ZMPSTE24: variants seen among roughly 807,000 people sequenced by gnomAD.
The protein encoded by ZMPSTE24 is CAAX prenyl protease 1 homolog.
In ZMPSTE24, 48 loss-of-function variants were observed where a neutral mutation model predicts 56.7. That is an observed-to-expected ratio of 0.85 (90% CI 0.67 to 1.08). ZMPSTE24 has a LOEUF of 1.08. Ranked by LOEUF, ZMPSTE24 falls within the 50% of genes least tolerant of loss-of-function variation. ZMPSTE24 has a pLI of 0.00. For missense variants in ZMPSTE24, 503 were observed against 548.7 expected (o/e 0.92, Z 0.83); for synonymous variants, 172 against 195.2 (o/e 0.88, Z 0.99).
At chr1:40,290,679 G>T (rs952843679) in intron 8 of ZMPSTE24, 175 bp from the exon 9 acceptor site, 33 of 573,908 alleles carry the variant, frequency 5.8e-5, no homozygotes, top group African/African-American at 9.5e-5. Context: ...AGCCAGGATG[G>T]TCTCAATCTC....
At chr1:40,261,723 G>A (rs906261607) in intron 2 of ZMPSTE24, among the ~76,000 whole-genome samples, 15 of 151,248 alleles carry the variant, frequency 9.9e-5, no homozygotes, top group Non-Finnish European at 1.8e-4. Flanking sequence ...TTTTGTTTTT[G>A]TTTTTGAGCA....
rs1380875395 is a variant in ZMPSTE24 at position 40,292,439 on chromosome 1, T to C, written c.1204-6T>C. 1 of 1,613,204 alleles carries C rather than the reference T, an allele frequency of 6.2e-7. No individual in the cohort carries two copies. Among genetic ancestry groups the C allele is most frequent in the Non-Finnish European group, 8.5e-7 (1 of 1,179,920 alleles). On this transcript the variant is annotated splice_region_variant and splice_polypyrimidine_tract_variant and intron_variant, in intron 9 of 9. Transcript: ENST00000372759. ...GTGGCTAAAACCCTTTCATTTTCTT[T>C]TTCAGGTTCTTTCTTTTTGCCTAAC...
chr1:40,289,827 A>T (rs1281525757), intron 8 of ZMPSTE24, among the ~76,000 whole-genome samples: 3 of 152,162 alleles, frequency 2.0e-5, no homozygotes, highest in Admixed American at 2.0e-4. Context: ...CAGTGGGCCT[A>T]GAGAGGATTC....
chr1:40,277,268 A>T (rs1198002467), intron 6 of ZMPSTE24, among the ~76,000 whole-genome samples: 1 of 151,902 alleles, frequency 6.6e-6, no homozygotes, highest in Non-Finnish European at 1.5e-5. Context: ...TTGTATTTTT[A>T]GTAGAGACAA....
chr1:40,279,775 A>G (rs1643708522), intron 6 of ZMPSTE24, among the ~76,000 whole-genome samples: 1 of 152,188 alleles, frequency 6.6e-6, no homozygotes, highest in Admixed American at 6.5e-5. Flanking sequence ...TGTGCATCTC[A>G]TCGATTTGCT....
At chr1:40,274,124 G>T (rs1643646116) in intron 6 of ZMPSTE24, among the ~76,000 whole-genome samples, 1 of 152,106 alleles carries the variant, frequency 6.6e-6, no homozygotes, top group Non-Finnish European at 1.5e-5. Context: ...TGCTGGGCTT[G>T]GTGGCTCCAG....
At chr1:40,275,285 A>AG (rs1011324128) in intron 6 of ZMPSTE24, among the ~76,000 whole-genome samples, 6 of 148,450 alleles carry the variant, frequency 4.0e-5, no homozygotes, top group African/African-American at 1.5e-4. Context: ...AAAAAAAAAA[A>AG]AAGCCGGGCG....
At position 40,289,490 on chromosome 1, in the gene ZMPSTE24, A is replaced by G. The variant is rs142505172; in HGVS notation, c.1060-1364A>G. On this transcript the variant is annotated intron_variant, in intron 8 of 9. Transcript: ENST00000372759. ...TGAGTTTTCTGTTGGAGCTTGTCATATTGGATCCACTGAGTTATAAGGATG... is the reference window on the plus strand; with the variant it reads ...TGAGTTTTCTGTTGGAGCTTGTCATGTTGGATCCACTGAGTTATAAGGATG... Among the ~76,000 whole-genome samples, 137 of 152,350 alleles carry G rather than the reference A, an allele frequency of 9.0e-4. 2 individuals are homozygous for G. In the South Asian group the frequency reaches 0.028, roughly 31 times the overall value.
chr1:40,279,245 A>T (rs1320977361), intron 6 of ZMPSTE24, among the ~76,000 whole-genome samples: 1 of 152,236 alleles, frequency 6.6e-6, no homozygotes, highest in Non-Finnish European at 1.5e-5. Flanking sequence ...GGAAACAAAA[A>T]TCTATAATTT....
intron 7 of ZMPSTE24, among the ~76,000 whole-genome samples, chr1:40,283,911 C>G (rs2124591867): frequency 6.6e-6 from 1 of 151,170 alleles, no homozygotes; most frequent in African/African-American, 2.4e-5. Context: ...CATCATCTTC[C>G]AATCCTTTAT....
rs768174748 is a variant in ZMPSTE24, at chr1:40,285,908, G to T, written c.955-17G>T. 5.7e-6 allele frequency: 9 copies of T among 1,592,618 alleles called. No individual in the cohort carries two copies. Among genetic ancestry groups the T allele is most frequent in the Admixed American group, 3.4e-5 (2 of 59,592 alleles). ...TAAAGGTTCTCAATAATTTATTTTT[G>T]ATTTTTTTTTATTCAGAATAAGAAA... On this transcript the variant is annotated splice_polypyrimidine_tract_variant and intron_variant, in intron 7 of 9. Transcript: ENST00000372759.
At chr1:40,268,599 C>T (rs1643580596) in intron 4 of ZMPSTE24, 64 bp downstream of exon 4, 1 of 1,064,030 alleles carries the variant, frequency 9.4e-7, no homozygotes, top group Non-Finnish European at 1.4e-6. Flanking sequence ...TTGTCCTGTA[C>T]TGTTTATAAT....
At chr1:40,277,772 C>T (rs896291458) in intron 6 of ZMPSTE24, among the ~76,000 whole-genome samples, 1 of 151,770 alleles carries the variant, frequency 6.6e-6, no homozygotes, top group South Asian at 2.1e-4. Flanking sequence ...AGTTCGAGAC[C>T]AGCCTGGCCA....
intron 5 of ZMPSTE24, among the ~76,000 whole-genome samples, chr1:40,271,510 T>G (rs540596253): frequency 1.3e-5 from 2 of 152,330 alleles, no homozygotes; most frequent in South Asian, 4.1e-4. Context: ...TGGGAAAGAC[T>G]TCAGGTCTAT....
intron 6 of ZMPSTE24, among the ~76,000 whole-genome samples, chr1:40,279,153 T>C (rs1643702071): frequency 6.6e-6 from 1 of 152,108 alleles, no homozygotes; most frequent in African/African-American, 2.4e-5. Context: ...GAAAAAAAGG[T>C]ATGTCTTCTT....
chr1:40,291,602 G>T (rs1042222230), intron 9 of ZMPSTE24, among the ~76,000 whole-genome samples: 1 of 152,152 alleles, frequency 6.6e-6, no homozygotes, highest in South Asian at 2.1e-4. Context: ...GTTTGGTAAG[G>T]CTTCCAAATT....
intron 6 of ZMPSTE24, among the ~76,000 whole-genome samples, chr1:40,273,915 T>A (rs202136907): frequency 6.6e-6 from 1 of 151,962 alleles, no homozygotes; most frequent in African/African-American, 2.4e-5. Context: ...TCTTTTTTTT[T>A]CCCCCTACAA....
At chr1:40,262,858 A>T (rs76596665) in intron 2 of ZMPSTE24, 2 of 358,428 alleles carry the variant, frequency 5.6e-6, no homozygotes, top group South Asian at 1.6e-4. Flanking sequence ...TGAACAACTT[A>T]ACAACACTAC....
chr1:40,268,548 A>G lies in ZMPSTE24; in HGVS notation c.474+13A>G. On this transcript the variant is annotated intron_variant, in intron 4 of 9. Coordinates refer to ENST00000372759, the MANE Select transcript of ZMPSTE24 (RefSeq NM_005857.5). ...CTTCAATCAACAGGTATAATAAAGA[A>G]TACAAATGTTCTCTTTTAAATGTGA... 1 of 1,503,100 alleles carries G rather than the reference A, an allele frequency of 6.7e-7. No individual in the cohort carries two copies. The highest frequency in any genetic ancestry group is 9.2e-7 in the Non-Finnish European group (1 of 1,082,868). The allele number at this position is 1,503,100 out of a possible 1,614,324, so 93.1% of individuals were successfully genotyped here. A position where few individuals can be genotyped will look rare whatever the true frequency, so the allele number is the denominator to read the frequency against.
Sources: allele counts gnomAD v4.1 joint callset (sites outside exome capture counted in the v4.1 genomes callset), GRCh38; gene constraint gnomAD v4.1.1; transcripts MANE v1.5; gene names NCBI Gene and HGNC (gene_info 2026-07-23, HGNC 2026-07-21).